DARS1: variants seen among roughly 807,000 people sequenced by gnomAD.
The protein encoded by DARS1 is aspartyl-tRNA synthetase 1, also known as aspartate--tRNA ligase, cytoplasmic.
A neutral mutation model predicts 68.8 loss-of-function variants in DARS1; 51 were observed. The observed-to-expected ratio is 0.74, with a 90% confidence interval of 0.59 to 0.94. DARS1 has a LOEUF of 0.94. DARS1 is among the 40% of genes least tolerant of loss of function. The pLI, the probability that DARS1 is intolerant of heterozygous loss-of-function variation, is 0.00. For missense variants in DARS1, 607 were observed against 597.3 expected (o/e 1.02, Z -0.17); for synonymous variants, 203 against 190.4 (o/e 1.07, Z -0.55).
In DARS1 at chr2:135,946,754, C is replaced by T. The variant is rs138403751; in HGVS notation, c.321-3274G>A. On this transcript the variant is annotated intron_variant, in intron 4 of 15. Transcript: ENST00000264161. ...CTTGCAAATAAATGGAGACATAAAT[C>T]GGGGGAAAAAGCAGTTTATCTCTTG... Among the ~76,000 whole-genome samples the T allele has an allele frequency of 9.7e-4, 148 of 152,146 alleles. 2 individuals are homozygous for T. The East Asian group carries it at 0.026, about 27-fold the overall frequency.
chr2:135,963,267 T>G (rs889889189), intron 3 of DARS1, among the ~76,000 whole-genome samples: 3 of 152,222 alleles, frequency 2.0e-5, no homozygotes, highest in African/African-American at 7.2e-5. Flanking sequence ...GTTCTTCATC[T>G]GGAAAATGGA....
chr2:135,929,245 T>G (rs1681291233), intron 7 of DARS1, among the ~76,000 whole-genome samples: 1 of 152,306 alleles, frequency 6.6e-6, no homozygotes, highest in East Asian at 1.9e-4. Context: ...CCAGATCTAC[T>G]TTCAAAGAAC....
chr2:135,916,836 C>A (rs1040164649), intron 10 of DARS1, among the ~76,000 whole-genome samples: 1 of 152,078 alleles, frequency 6.6e-6, no homozygotes, highest in African/African-American at 2.4e-5. Flanking sequence ...ATAGAAGGTA[C>A]AGGACAATGT....
At chr2:135,933,622 TA>T (rs1681401936) in intron 6 of DARS1, among the ~76,000 whole-genome samples, 1 of 152,136 alleles carries the variant, frequency 6.6e-6, no homozygotes, top group Admixed American at 6.5e-5. Flanking sequence ...AATGTATATA[TA>T]ATTTTTAATA....
chr2:135,914,656 G>A, intron 11 of DARS1, 145 bp from the exon 12 acceptor site: 1 of 656,984 alleles, frequency 1.5e-6, no homozygotes, highest in Non-Finnish European at 2.8e-6. Flanking sequence ...TTTCTTAAAA[G>A]GCAAGTACTA....
intron 13 of DARS1, among the ~76,000 whole-genome samples, 193 bp downstream of exon 13, chr2:135,912,293 A>G (rs1350818160): frequency 6.6e-6 from 1 of 152,216 alleles, no homozygotes; most frequent in Non-Finnish European, 1.5e-5. Flanking sequence ...TAGGTTTTTA[A>G]AACTAATTTT....
Position 135,955,793 on chromosome 2 carries a change from C to G in DARS1, c.320+5603G>C, listed in dbSNP as rs117605910. 1.7e-3 allele frequency among the ~76,000 whole-genome samples: 247 copies of G among 143,202 alleles called. 6 individuals are homozygous for G. In the East Asian group the frequency reaches 0.055, roughly 32 times the overall value. 93.9% of individuals were successfully genotyped at this position (143,202 alleles called of 152,430 possible). A position where few individuals can be genotyped will look rare whatever the true frequency, so the allele number is the denominator to read the frequency against. ...CCTTCGCCTCCCAGGTAGCTGGGGA[C>G]TACAGGCTCACACCACCATGCCTGG... is the stretch of plus-strand genomic sequence containing the variant. On this transcript the variant is annotated intron_variant, in intron 4 of 15. Coordinates refer to ENST00000264161, the MANE Select transcript of DARS1 (RefSeq NM_001349.4).
At chr2:135,941,558 A>G (rs1272589714) in intron 5 of DARS1, among the ~76,000 whole-genome samples, 7 of 151,890 alleles carry the variant, frequency 4.6e-5, no homozygotes, top group Admixed American at 4.6e-4. Context: ...TAAAAACCCT[A>G]GAAGAAAACC....
chr2:135,960,462 A>G (rs1488448018), intron 4 of DARS1, among the ~76,000 whole-genome samples: 1 of 152,214 alleles, frequency 6.6e-6, no homozygotes, highest in Non-Finnish European at 1.5e-5. Flanking sequence ...TCCAATTCTA[A>G]AATTCATAAT....
chr2:135,985,227 G>T (rs922031132), intron 1 of DARS1, 176 bp downstream of exon 1: 1 of 1,028,390 alleles, frequency 9.7e-7, no homozygotes, highest in South Asian at 2.1e-5. Context: ...ACGCGGTCCG[G>T]AGAGGGTCTG....
At chr2:135,973,059 TC>T (rs1324757746) in intron 3 of DARS1, among the ~76,000 whole-genome samples, 4 of 152,204 alleles carry the variant, frequency 2.6e-5, no homozygotes, top group Non-Finnish European at 4.4e-5. Flanking sequence ...GATCCAGCAA[TC>T]CCACTGTTGG....
intron 2 of DARS1, among the ~76,000 whole-genome samples, chr2:135,982,560 C>T (rs1178337718): frequency 6.6e-6 from 1 of 150,838 alleles, no homozygotes; most frequent in Non-Finnish European, 1.5e-5. Context: ...CATGCCACTG[C>T]ACTCCAGCCT....
At chr2:135,981,059 A>T (rs943806403) in intron 2 of DARS1, among the ~76,000 whole-genome samples, 1 of 152,240 alleles carries the variant, frequency 6.6e-6, no homozygotes, top group Non-Finnish European at 1.5e-5. Flanking sequence ...AAATGGAAGC[A>T]GATGAGAAAG....
At position 135,922,766 on chromosome 2, in the gene DARS1, T is replaced by C. The variant is rs751155710; in HGVS notation, c.811+18A>G. ...ATAATTAATTAACTTGGATAAAACA[T>C]AACTGCCAAAATCTTACCTGGTCCA... On this transcript the variant is annotated intron_variant, in intron 9 of 15. Transcript: ENST00000264161. The C allele has an allele frequency of 6.6e-7, 1 of 1,525,612 alleles. No homozygotes were observed. The highest frequency in any genetic ancestry group is 1.3e-5 in the South Asian group (1 of 74,708). 94.5% of individuals were successfully genotyped at this position (1,525,612 alleles called of 1,614,324 possible).
intron 15 of DARS1, among the ~76,000 whole-genome samples, chr2:135,909,145 G>C (rs1480674145): frequency 6.6e-6 from 1 of 151,800 alleles, no homozygotes; most frequent in Non-Finnish European, 1.5e-5. Flanking sequence ...AGGGTGGGGT[G>C]GGGGACAGCA....
intron 5 of DARS1, among the ~76,000 whole-genome samples, chr2:135,935,168 C>T (rs1199335627): frequency 6.6e-6 from 1 of 152,176 alleles, no homozygotes; most frequent in Non-Finnish European, 1.5e-5. Flanking sequence ...AGCTCTGCTG[C>T]ACTTCTTTTC....
At position 135,907,261 on chromosome 2, in the gene DARS1, T is replaced by TTTTTTTTTTTTTTTGTGG; in HGVS notation, c.*54_*55insCCACAAAAAAAAAAAAAA. 3 of 889,240 alleles carry TTTTTTTTTTTTTTTGTGG rather than the reference T, an allele frequency of 3.4e-6. No homozygotes were observed. The highest frequency in any genetic ancestry group is 1.9e-5 in the African/African-American group (1 of 53,424). 55.1% of individuals were successfully genotyped at this position (889,240 alleles called of 1,614,324 possible). A position where few individuals can be genotyped will look rare whatever the true frequency, so the allele number is the denominator to read the frequency against. Reference sequence around the variant, plus strand: ...GGCTTTCTTTTTTTTTTTTTTTTTTTGAGGCAGGGTCTCGCTCTGTCATCC... The same window carrying TTTTTTTTTTTTTTTGTGG: ...GGCTTTCTTTTTTTTTTTTTTTTTTTTTTTTTTTTTTTTTGTGGGAGGCAGGGTCTCGCTCTGTCATCC... On this transcript the variant is annotated 3_prime_UTR_variant, in exon 16 of 16. Transcript: ENST00000264161.
At chr2:135,910,575 T>G (rs1339908680) in intron 15 of DARS1, among the ~76,000 whole-genome samples, 4 of 152,132 alleles carry the variant, frequency 2.6e-5, no homozygotes, top group Non-Finnish European at 5.9e-5. Flanking sequence ...TACCATCTGT[T>G]GAAAAAACTG....
At chr2:135,961,360 G>T in intron 4 of DARS1, 36 bp downstream of exon 4, 1 of 940,244 alleles carries the variant, frequency 1.1e-6, no homozygotes, top group Admixed American at 1.7e-5. Flanking sequence ...TCCCACCATT[G>T]TTTATTCTGA....
Sources: allele counts gnomAD v4.1 joint callset (sites outside exome capture counted in the v4.1 genomes callset), GRCh38; gene constraint gnomAD v4.1.1; transcripts MANE v1.5; gene names NCBI Gene and HGNC (gene_info 2026-07-23, HGNC 2026-07-21).